The following RPL13 variants were observed in gnomAD, a reference collection of about 807,000 sequenced individuals.
RPL13 encodes ribosomal protein L13.
In RPL13, 1 loss-of-function variant was observed where a neutral mutation model predicts 21.4. That is an observed-to-expected ratio of 0.05 (90% CI 0.02 to 0.22). The LOEUF is 0.22. Among genes scored for constraint, RPL13 ranks in the 10% least tolerant of loss-of-function variants. The probability of loss-of-function intolerance (pLI) is 1.00; values close to 1 mark genes in which losing one functional copy is unlikely to be tolerated. For missense variants in RPL13, 289 were observed against 303.0 expected (o/e 0.95, Z 0.34); for synonymous variants, 143 against 120.5 (o/e 1.19, Z -1.23).
chr16:89,564,577 G>GA (rs1344599314), downstream of RPL13: 1 of 152,238 alleles, frequency 6.6e-6, no homozygotes, highest in African/African-American at 2.4e-5. Flanking sequence ...TGGTAGGCTT[G>GA]AACCCAGGAG....
At position 89,561,043 on chromosome 16, in the gene RPL13, G is replaced by C. The variant is rs764522448; in HGVS notation, c.84G>C (p.Gln28His). ...GGCGCGTGGCCACGTGGTTCAACCA[G>C]CCGGCCCGTAAGATCCGCAGGTGAG... is the stretch of plus-strand genomic sequence containing the variant. The part of the protein sequence containing the change: ...WQRRVATWFN[Q>H]PARKIRRRKA... The change falls in exon 2 of 6, where the codon CAG becomes CAC. Residue 28 changes from glutamine to histidine, a missense_variant. Gln to His is a conservative substitution (Grantham distance 24, BLOSUM62 0). Coordinates refer to ENST00000311528, the MANE Select transcript of RPL13 (RefSeq NM_000977.4). 2.5e-6 allele frequency: 4 copies of C among 1,606,706 alleles called. No individual in the cohort carries two copies. Among genetic ancestry groups the C allele is most frequent in the South Asian group, 1.1e-5 (1 of 90,226 alleles).
chr16:89,561,461 G>A (rs1320674263), intron 3 of RPL13, 93 bp downstream of exon 3: 12 of 1,611,946 alleles, frequency 7.4e-6, no homozygotes, highest in Non-Finnish European at 9.3e-6. Flanking sequence ...ATCGCTGTAC[G>A]GCCTTGATGA....
chr16:89,561,428 G>A lies in RPL13; in HGVS notation c.246+60G>A, dbSNP rs1445397096. 2.5e-6 allele frequency: 4 copies of A among 1,612,648 alleles called. No individual in the cohort carries two copies. The South Asian group carries it at 4.4e-5, about 18-fold the overall frequency. On this transcript the variant is annotated intron_variant, in intron 3 of 5. Coordinates refer to ENST00000311528, the MANE Select transcript of RPL13 (RefSeq NM_000977.4). ...CCCGAAGTCCCCTCTGTTGGCCTCA[G>A]TCGCGTGATGACATTCTCCGGAATC...
upstream of RPL13, chr16:89,560,663 T>C (rs1452440268): frequency 3.1e-6 from 1 of 325,008 alleles, no homozygotes; most frequent in Non-Finnish European, 5.7e-6. Context: ...CATCCCAGAG[T>C]GCATTGCGGG....
At chr16:89,566,401 T>C (rs2058791662), downstream of RPL13, 1 of 152,118 alleles carries the variant, frequency 6.6e-6, no homozygotes, top group South Asian at 2.1e-4. Flanking sequence ...GGATAGGAGC[T>C]GCACACAATT....
chr16:89,562,229 C>A, intron 4 of RPL13, 106 bp from the exon 5 acceptor site: 1 of 1,035,378 alleles, frequency 9.7e-7, no homozygotes, highest in Non-Finnish European at 1.5e-6. Flanking sequence ...GGCTCAGACA[C>A]TGGTCCTGAA....
chr16:89,564,171 A>G lies in RPL13; in HGVS notation c.*1129A>G, dbSNP rs912492123. On this transcript the variant is annotated 3_prime_UTR_variant, in exon 6 of 6. Transcript: ENST00000311528. Reference sequence around the variant, plus strand: ...GACCGAGTCAGATTCTGTTTTGTCTACATGCCTCTGCCGGGTGCCGGTATT... The same window carrying G: ...GACCGAGTCAGATTCTGTTTTGTCTGCATGCCTCTGCCGGGTGCCGGTATT... 41 of 152,114 alleles carry G rather than the reference A, an allele frequency of 2.7e-4. No homozygotes were observed. Among genetic ancestry groups the G allele is most frequent in the African/African-American group, 9.9e-4 (41 of 41,452 alleles). The allele number at this position is 152,114 out of a possible 1,614,324, so 9.4% of individuals were successfully genotyped here.
intron 1 of RPL13, 58 bp from the exon 2 acceptor site, chr16:89,560,882 C>T (rs1440670117): frequency 1.5e-6 from 2 of 1,347,982 alleles, no homozygotes; most frequent in South Asian, 1.3e-5. Flanking sequence ...GGGCGGAGGC[C>T]CGGGGGGGTG....
chr16:89,561,272 C>T lies in RPL13; in HGVS notation c.150C>T (p.Pro50=), dbSNP rs760130131. 4 of 1,558,396 alleles carry T rather than the reference C, an allele frequency of 2.6e-6. No individual in the cohort carries two copies. Among genetic ancestry groups the T allele is most frequent in the South Asian group, 2.3e-5 (2 of 86,934 alleles). Residue 50 remains proline, a synonymous_variant, in exon 3 of 6, where the codon CCC becomes CCT. Transcript: ENST00000311528. ...AGGCGCGCCGCATCGCCCCGCGCCCCGCGTCGGGTCCCATCCGGCCCATCG... is the reference window on the plus strand; with the variant it reads ...AGGCGCGCCGCATCGCCCCGCGCCCTGCGTCGGGTCCCATCCGGCCCATCG... ...QAKARRIAPR[P]ASGPIRPIVR...
Position 89,563,494 on chromosome 16 carries a change from A to G in RPL13, c.*452A>G, listed in dbSNP as rs2058760964. 1 of 152,162 alleles carries G rather than the reference A, an allele frequency of 6.6e-6. No individual in the cohort carries two copies. Among genetic ancestry groups the G allele is most frequent in the Non-Finnish European group, 1.5e-5 (1 of 68,136 alleles). The allele number at this position is 152,162 out of a possible 1,614,324, so 9.4% of individuals were successfully genotyped here. ...TCCTGGGAGGCAGAGGTGAGGGATC[A>G]CTTAACCCAGGAGGCAGAGGCTGCA... is the stretch of plus-strand genomic sequence containing the variant. On this transcript the variant is annotated 3_prime_UTR_variant, in exon 6 of 6. Transcript: ENST00000311528.
chr16:89,561,394 C>T (rs765100472), intron 3 of RPL13, 26 bp downstream of exon 3: 1 of 1,611,324 alleles, frequency 6.2e-7, no homozygotes, highest in Non-Finnish European at 8.5e-7. Context: ...GCTGCGGTGT[C>T]AGGAAGGCCC....
intron 4 of RPL13, 161 bp downstream of exon 4, chr16:89,561,912 C>T (rs2058747913): frequency 1.3e-6 from 1 of 793,852 alleles, no homozygotes. Flanking sequence ...TGCGTTTCCG[C>T]AGAGATAACC....
chr16:89,566,590 G>A (rs2058793167), downstream of RPL13: 1 of 152,098 alleles, frequency 6.6e-6, no homozygotes, highest in Admixed American at 6.5e-5. Flanking sequence ...CATGAGCCCA[G>A]GAGTTTAAGG....
rs1597674312 is a variant in RPL13 at position 89,561,278 on chromosome 16, G to C, written c.156G>C (p.Ser52=). 6.4e-7 allele frequency: 1 copy of C among 1,562,376 alleles called. No individual in the cohort carries two copies. The highest frequency in any genetic ancestry group is 8.6e-7 in the Non-Finnish European group (1 of 1,159,036). ...KARRIAPRPA[S]GPIRPIVRCP... is the part of the protein sequence containing the mutation. Reference sequence around the variant, plus strand: ...GCCGCATCGCCCCGCGCCCCGCGTCGGGTCCCATCCGGCCCATCGTGCGCT... The same window carrying C: ...GCCGCATCGCCCCGCGCCCCGCGTCCGGTCCCATCCGGCCCATCGTGCGCT... The change falls in exon 3 of 6, where the codon TCG becomes TCC. Residue 52 remains serine (S), a synonymous_variant. Transcript: ENST00000311528.
In RPL13 at chr16:89,564,191, G is replaced by C. The variant is rs561458465; in HGVS notation, c.*1149G>C. ...TGTCTACATGCCTCTGCCGGGTGCC[G>C]GTATTGAGGCACCCAGGGAGCTGTT... On this transcript the variant is annotated 3_prime_UTR_variant, in exon 6 of 6. Transcript: ENST00000311528. The C allele has an allele frequency of 6.6e-6, 1 of 152,142 alleles. No individual in the cohort carries two copies. Among genetic ancestry groups the C allele is most frequent in the Non-Finnish European group, 1.5e-5 (1 of 68,040 alleles). The allele number at this position is 152,142 out of a possible 1,614,324, so 9.4% of individuals were successfully genotyped here. A position where few individuals can be genotyped will look rare whatever the true frequency, so the allele number is the denominator to read the frequency against.
At position 89,560,709 on chromosome 16, in the gene RPL13, G is replaced by A. The variant is rs1597673369; in HGVS notation, c.-24G>A. On this transcript the variant is annotated 5_prime_UTR_variant, in exon 1 of 6. Transcript: ENST00000311528. ...TTCCGCTCGGCTGTTTTCCTGCGCA[G>A]GAGGTGAGGGAGACTGGGTCCTGGC... 9.2e-6 allele frequency: 4 copies of A among 434,512 alleles called. No individual in the cohort carries two copies. Among genetic ancestry groups the A allele is most frequent in the East Asian group, 8.0e-5 (2 of 25,126 alleles). The allele number at this position is 434,512 out of a possible 1,614,324, so 26.9% of individuals were successfully genotyped here. A position where few individuals can be genotyped will look rare whatever the true frequency, so the allele number is the denominator to read the frequency against.
downstream of RPL13, chr16:89,565,681 C>G (rs868630840): frequency 1.6e-5 from 2 of 126,206 alleles, no homozygotes; most frequent in Middle Eastern, 4.0e-3. Flanking sequence ...AGTGGCTTTT[C>G]AGTTGTGATG....
At chr16:89,562,504 T>C in intron 5 of RPL13, 113 bp downstream of exon 5, 4 of 1,002,114 alleles carry the variant, frequency 4.0e-6, no homozygotes, top group Non-Finnish European at 5.9e-6. Context: ...TAGTGGCAGT[T>C]GTGGGTGTGG....
At chr16:89,561,177 G>A (rs371172227) in intron 2 of RPL13, 50 bp from the exon 3 acceptor site, 1 of 1,515,712 alleles carries the variant, frequency 6.6e-7, no homozygotes, top group South Asian at 1.2e-5. Context: ...CGGAGCGCTG[G>A]CCTGGCGGCC....
Sources: allele counts gnomAD v4.1 joint callset, GRCh38; gene constraint gnomAD v4.1.1; transcripts MANE v1.5; gene names NCBI Gene and HGNC (gene_info 2026-07-23, HGNC 2026-07-21).